The following HGD variants were observed in gnomAD, a reference collection of about 807,000 sequenced individuals.
The protein encoded by HGD is homogentisate oxidase.
In HGD, 61 loss-of-function variants were observed where a neutral mutation model predicts 60.8. The ratio of observed to expected loss-of-function variants is 1.00; its 90% CI spans 0.82 to 1.24. The LOEUF is 1.24. Among genes scored for constraint, HGD ranks in the 50% most tolerant of loss-of-function variants. The probability of loss-of-function intolerance (pLI) is 0.00; values close to 1 mark genes in which losing one functional copy is unlikely to be tolerated. For missense variants in HGD, 542 were observed against 547.1 expected, an observed-to-expected ratio of 0.99 and a Z score of 0.09; for synonymous variants, 212 against 187.7, an observed-to-expected ratio of 1.13 and a Z score of -1.06.
chr3:120,663,501 T>A (rs930686457), intron 4 of HGD, among the ~76,000 whole-genome samples: 2 of 152,068 alleles, frequency 1.3e-5, no homozygotes, highest in Non-Finnish European at 2.9e-5. Context: ...TCCCACCAGG[T>A]CCCTCCCGTA....
chr3:120,664,926 AT>A (rs1707865796), intron 4 of HGD, among the ~76,000 whole-genome samples: 1 of 152,224 alleles, frequency 6.6e-6, no homozygotes, highest in Non-Finnish European at 1.5e-5. Flanking sequence ...TTAGAGAGTG[AT>A]GCACTATTGT....
At position 120,646,964 on chromosome 3, in the gene HGD, A is replaced by G; in HGVS notation, c.549+9T>C. The G allele has an allele frequency of 6.2e-7, 1 of 1,610,584 alleles. No homozygotes were observed. The highest frequency in any genetic ancestry group is 8.5e-7 in the Non-Finnish European group (1 of 1,176,714). On this transcript the variant is annotated intron_variant, in intron 8 of 13. Coordinates refer to ENST00000283871, the MANE Select transcript of HGD (RefSeq NM_000187.4). ...AGAGGCAGGGAAGAGAAGGGGACAC[A>G]TCACCAACCTGAATGACGCAGATCT...
intron 4 of HGD, among the ~76,000 whole-genome samples, chr3:120,669,109 T>C (rs926010880): frequency 2.6e-5 from 4 of 152,210 alleles, no homozygotes; most frequent in African/African-American, 9.6e-5. Context: ...GTCCTAGGTC[T>C]GAAGAGACTG....
chr3:120,679,094 C>T (rs1708185737), intron 1 of HGD, among the ~76,000 whole-genome samples: 2 of 152,240 alleles, frequency 1.3e-5, no homozygotes, highest in South Asian at 4.1e-4. Context: ...TGCATACTTT[C>T]TAAATGCAAG....
chr3:120,655,853 C>T (rs1227368217), intron 4 of HGD, among the ~76,000 whole-genome samples: 1 of 152,136 alleles, frequency 6.6e-6, no homozygotes, highest in Non-Finnish European at 1.5e-5. Flanking sequence ...TTTTTTCTTA[C>T]ATATAACAAC....
At chr3:120,681,192 C>T (rs886935526) in intron 1 of HGD, among the ~76,000 whole-genome samples, 4 of 152,194 alleles carry the variant, frequency 2.6e-5, no homozygotes, top group Non-Finnish European at 4.4e-5. Flanking sequence ...ACTTCTCAAA[C>T]CCTGCATTCA....
At chr3:120,664,629 C>A (rs1707858205) in intron 4 of HGD, among the ~76,000 whole-genome samples, 1 of 151,938 alleles carries the variant, frequency 6.6e-6, no homozygotes, top group African/African-American at 2.4e-5. Context: ...CAGGGTCTTG[C>A]TATGTTGCCA....
At chr3:120,653,137 A>G (rs1003232102) in intron 4 of HGD, among the ~76,000 whole-genome samples, 4 of 152,146 alleles carry the variant, frequency 2.6e-5, no homozygotes, top group African/African-American at 9.7e-5. Context: ...TTTTTTTAAG[A>G]GAAAGAAAGA....
intron 11 of HGD, among the ~76,000 whole-genome samples, chr3:120,639,360 A>G (rs1458167554): frequency 1.3e-5 from 2 of 152,228 alleles, no homozygotes; most frequent in African/African-American, 4.8e-5. Context: ...AGCTGCATCC[A>G]TGTTGCTGCA....
At chr3:120,681,305 C>G (rs1708225969) in intron 1 of HGD, among the ~76,000 whole-genome samples, 1 of 152,202 alleles carries the variant, frequency 6.6e-6, no homozygotes, top group Admixed American at 6.5e-5. Flanking sequence ...TTGATTCAAG[C>G]CTGGCCTGGG....
intron 4 of HGD, among the ~76,000 whole-genome samples, chr3:120,662,169 C>A (rs1203515634): frequency 6.6e-6 from 1 of 152,076 alleles, no homozygotes; most frequent in Non-Finnish European, 1.5e-5. Flanking sequence ...AGCTCTTGAT[C>A]TCTTATCTGG....
At chr3:120,646,895 G>T in intron 8 of HGD, 78 bp downstream of exon 8, 2 of 1,147,030 alleles carry the variant, frequency 1.7e-6, no homozygotes, top group Non-Finnish European at 2.7e-6. Context: ...TTTTAGAGTT[G>T]GAAATAGCAG....
chr3:120,674,033 T>A (rs1286735291), intron 3 of HGD, among the ~76,000 whole-genome samples: 1 of 152,150 alleles, frequency 6.6e-6, no homozygotes, highest in Non-Finnish European at 1.5e-5. Flanking sequence ...ATCATTTGTG[T>A]GGTCCATTAT....
chr3:120,630,853 C>CAT (rs1409116491), intron 13 of HGD, among the ~76,000 whole-genome samples: 171 of 146,166 alleles, frequency 1.2e-3, no homozygotes, highest in Middle Eastern at 3.6e-3. Context: ...TACACACACA[C>CAT]ACACACACAC....
intron 12 of HGD, among the ~76,000 whole-genome samples, chr3:120,635,532 G>A (rs1474211678): frequency 6.9e-6 from 1 of 145,026 alleles, no homozygotes; most frequent in African/African-American, 2.5e-5. Flanking sequence ...ACATTAAGAT[G>A]ACTGGAGGCA....
chr3:120,678,260 C>T (rs530902557), intron 1 of HGD, among the ~76,000 whole-genome samples: 17 of 152,338 alleles, frequency 1.1e-4, no homozygotes, highest in Admixed American at 7.8e-4. Flanking sequence ...TCACCATCAA[C>T]GGGATTGAAT....
chr3:120,672,482 C>A (rs1352699188), intron 3 of HGD, among the ~76,000 whole-genome samples: 1 of 152,156 alleles, frequency 6.6e-6, no homozygotes, highest in East Asian at 1.9e-4. Context: ...CTTTCAAGAC[C>A]AAGGACAGTC....
At chr3:120,635,417 C>CA (rs1407828678) in intron 12 of HGD, among the ~76,000 whole-genome samples, 1 of 137,376 alleles carries the variant, frequency 7.3e-6, no homozygotes, top group Non-Finnish European at 1.5e-5. Flanking sequence ...GCAGAGCTTG[C>CA]AGTGAGCCAA....
At chr3:120,675,042 C>G in intron 2 of HGD, 53 bp from the exon 3 acceptor site, 1 of 1,267,976 alleles carries the variant, frequency 7.9e-7, no homozygotes, top group Non-Finnish European at 1.2e-6. Context: ...AAGCATCCCA[C>G]CTTCCCACCA....
Sources: allele counts gnomAD v4.1 joint callset (sites outside exome capture counted in the v4.1 genomes callset), GRCh38; gene constraint gnomAD v4.1.1; transcripts MANE v1.5; gene names NCBI Gene and HGNC (gene_info 2026-07-23, HGNC 2026-07-21).